The following SMAP1 variants were observed in gnomAD, a reference collection of about 807,000 sequenced individuals.
SMAP1 encodes the protein stromal membrane-associated protein 1.
In SMAP1, 24 loss-of-function variants were observed where a neutral mutation model predicts 58.5. The ratio of observed to expected loss-of-function variants is 0.41; its 90% CI spans 0.30 to 0.58. SMAP1 has a LOEUF of 0.58. SMAP1 is among the 20% of genes least tolerant of loss of function. The pLI is 0.29. For synonymous variants in SMAP1, 216 were observed against 196.6 expected, an observed-to-expected ratio of 1.10 and a Z score of -0.82; for missense variants, 563 against 566.3, an observed-to-expected ratio of 0.99 and a Z score of 0.06.
At chr6:70,704,034 C>T (rs896375745) in intron 1 of SMAP1, among the ~76,000 whole-genome samples, 3 of 152,164 alleles carry the variant, frequency 2.0e-5, no homozygotes, top group East Asian at 1.9e-4. Context: ...CAAATTTCAG[C>T]GTCTGTTCCT....
At chr6:70,767,682 ATGTCATC>A in intron 3 of SMAP1, among the ~76,000 whole-genome samples, 1 of 149,804 alleles carries the variant, frequency 6.7e-6, no homozygotes, top group Admixed American at 6.7e-5. Context: ...ATATACAATC[ATGTCATC>A]TGCAAACAGG....
At chr6:70,760,180 T>G (rs909513846) in intron 3 of SMAP1, among the ~76,000 whole-genome samples, 2 of 152,126 alleles carry the variant, frequency 1.3e-5, no homozygotes, top group Non-Finnish European at 2.9e-5. Context: ...GCAGCTAGAT[T>G]GTAAGATCTA....
At chr6:70,743,003 T>C (rs1208011002) in intron 2 of SMAP1, among the ~76,000 whole-genome samples, 2 of 152,194 alleles carry the variant, frequency 1.3e-5, no homozygotes, top group African/African-American at 2.4e-5. Flanking sequence ...CTGAGAATTA[T>C]GGGAGCTACA....
chr6:70,787,970 A>G (rs923520623), intron 4 of SMAP1, among the ~76,000 whole-genome samples: 1 of 152,148 alleles, frequency 6.6e-6, no homozygotes. Context: ...AAAGGACTAT[A>G]AATCGTGCTA....
intron 1 of SMAP1, among the ~76,000 whole-genome samples, chr6:70,711,506 GAATT>G (rs1483150057): frequency 6.7e-6 from 1 of 149,922 alleles, no homozygotes; most frequent in East Asian, 1.9e-4. Context: ...TTACTTTACT[GAATT>G]AATTTATTAG....
intron 6 of SMAP1, among the ~76,000 whole-genome samples, chr6:70,824,671 A>G (rs1024385865): frequency 2.0e-5 from 3 of 152,230 alleles, no homozygotes; most frequent in Admixed American, 6.5e-5. Context: ...TTCCACATGC[A>G]TATGTCACTT....
chr6:70,698,771 G>A (rs1023442352), intron 1 of SMAP1, among the ~76,000 whole-genome samples: 16 of 152,032 alleles, frequency 1.1e-4, no homozygotes, highest in African/African-American at 3.6e-4. Flanking sequence ...AAATTTATCC[G>A]ATAGAATTCT....
chr6:70,851,011 A>G (rs1226231541), intron 7 of SMAP1, among the ~76,000 whole-genome samples: 1 of 152,178 alleles, frequency 6.6e-6, no homozygotes, highest in East Asian at 1.9e-4. Flanking sequence ...ATTGTAAATT[A>G]TAATCTATGT....
intron 1 of SMAP1, among the ~76,000 whole-genome samples, chr6:70,705,522 A>AT (rs2149832899): frequency 6.6e-6 from 1 of 152,264 alleles, no homozygotes; most frequent in South Asian, 2.1e-4. Flanking sequence ...AACTGTTGGG[A>AT]TTACAGGTAT....
At chr6:70,770,558 G>T (rs1029833056) in intron 3 of SMAP1, among the ~76,000 whole-genome samples, 1 of 152,172 alleles carries the variant, frequency 6.6e-6, no homozygotes, top group Non-Finnish European at 1.5e-5. Context: ...TGAGGTTTGT[G>T]CATTCTTCAT....
chr6:70,783,864 T>G (rs189094892), intron 4 of SMAP1, among the ~76,000 whole-genome samples: 1,835 of 152,156 alleles, frequency 0.012, 10 homozygotes, highest in Non-Finnish European at 0.02. Flanking sequence ...TGGAACCAAG[T>G]TGGAAAACAC....
intron 1 of SMAP1, among the ~76,000 whole-genome samples, chr6:70,683,615 A>T (rs573520700): frequency 2.6e-5 from 4 of 152,166 alleles, no homozygotes; most frequent in Non-Finnish European, 5.9e-5. Flanking sequence ...GACAGCATTC[A>T]TTCTTCTGGG....
intron 6 of SMAP1, among the ~76,000 whole-genome samples, chr6:70,820,436 G>C (rs576814328): frequency 1.6e-4 from 25 of 152,308 alleles, no homozygotes; most frequent in Admixed American, 1.3e-3. Flanking sequence ...TTTAGGCCGG[G>C]TGCAATGGCT....
intron 6 of SMAP1, among the ~76,000 whole-genome samples, chr6:70,819,690 A>G (rs1422160504): frequency 6.6e-6 from 1 of 152,200 alleles, no homozygotes. Context: ...TTGAATGCTA[A>G]AAGGATACAG....
At chr6:70,730,296 A>G (rs762874899) in intron 1 of SMAP1, among the ~76,000 whole-genome samples, 4 of 109,966 alleles carry the variant, frequency 3.6e-5, no homozygotes, top group Admixed American at 9.1e-5. Flanking sequence ...GCCTCAAGTT[A>G]TCCTCTCACC....
chr6:70,796,369 T>C (rs1254989061), intron 5 of SMAP1, among the ~76,000 whole-genome samples: 1 of 152,216 alleles, frequency 6.6e-6, no homozygotes, highest in Admixed American at 6.5e-5. Context: ...GCTACTAGCT[T>C]TGATTAACTG....
At chr6:70,748,651 C>G (rs544094325) in intron 2 of SMAP1, among the ~76,000 whole-genome samples, 169 of 152,104 alleles carry the variant, frequency 1.1e-3, no homozygotes, top group African/African-American at 3.9e-3. Flanking sequence ...CTGAAGCTCC[C>G]TCTAGATAGT....
At chr6:70,756,514 T>C (rs1035564135) in intron 3 of SMAP1, among the ~76,000 whole-genome samples, 1 of 152,090 alleles carries the variant, frequency 6.6e-6, no homozygotes, top group Non-Finnish European at 1.5e-5. Flanking sequence ...ATTTCAGGTA[T>C]AAAAAATTGT....
chr6:70,803,884 G>A lies in SMAP1; in HGVS notation c.576+5147G>A, dbSNP rs1047207552. On this transcript the variant is annotated intron_variant, in intron 6 of 10. Coordinates refer to ENST00000370455, the MANE Select transcript of SMAP1 (RefSeq NM_001044305.3). ...TTTGTTGTGATTTCTGTTCTTTTAC[G>A]TTTGCTGAGGAGTGTTTTACTTCCA... is the stretch of plus-strand genomic sequence containing the variant. Among the ~76,000 whole-genome samples the A allele has an allele frequency of 5.3e-5, 8 of 152,178 alleles. No homozygotes were observed. In the South Asian group the frequency reaches 6.2e-4, roughly 12 times the overall value.
Sources: gnomAD v4.1 joint callset for allele counts (sites outside exome capture counted in the v4.1 genomes callset) on GRCh38, gnomAD v4.1.1 for gene constraint, MANE v1.5 for transcripts, NCBI Gene and HGNC (gene_info 2026-07-23, HGNC 2026-07-21) for gene names.